The following TMEM9 variants were observed in gnomAD, a reference collection of about 807,000 sequenced individuals.
TMEM9 encodes transmembrane protein 9.
A neutral mutation model predicts 22.8 loss-of-function variants in TMEM9; 13 were observed. The ratio of observed to expected loss-of-function variants is 0.57; its 90% CI spans 0.37 to 0.91. The LOEUF is 0.91. Ranked by LOEUF, TMEM9 falls within the 40% of genes least tolerant of loss-of-function variation. The pLI is 0.01. For synonymous variants in TMEM9, 88 were observed against 93.0 expected, an observed-to-expected ratio of 0.95 and a Z score of 0.31; for missense variants, 182 against 238.1, an observed-to-expected ratio of 0.76 and a Z score of 1.55.
At chr1:201,153,581 A>ATC (rs1435252735) in intron 1 of TMEM9, among the ~76,000 whole-genome samples, 3 of 152,228 alleles carry the variant, frequency 2.0e-5, no homozygotes, top group Non-Finnish European at 2.9e-5. Context: ...GAGAACTTAG[A>ATC]TAACTTCTCC....
In TMEM9 at chr1:201,149,985, G is replaced by A. The variant is rs375996629; in HGVS notation, c.158+1776C>T. ...CTGATGTAAGGCTATTCATCAAGCA[G>A]CCCCTTAATTCTGACTTCTGAGGGG... On this transcript the variant is annotated intron_variant, in intron 2 of 4. Coordinates refer to ENST00000367330, the MANE Select transcript of TMEM9 (RefSeq NM_001288565.2). Among the ~76,000 whole-genome samples the A allele has an allele frequency of 7.0e-4, 107 of 152,322 alleles. 2 individuals are homozygous for A. The South Asian group carries it at 0.021, about 30-fold the overall frequency.
At chr1:201,153,684 T>C in intron 1 of TMEM9, 174 bp downstream of exon 1, 1 of 1,490,546 alleles carries the variant, frequency 6.7e-7, no homozygotes, top group South Asian at 1.2e-5. Context: ...ACCCGCACTA[T>C]CCTTAGGGAG....
intron 4 of TMEM9, 57 bp downstream of exon 4, chr1:201,143,763 T>C: frequency 6.3e-7 from 1 of 1,594,784 alleles, no homozygotes; most frequent in Non-Finnish European, 8.6e-7. Flanking sequence ...CCTCTGGGTT[T>C]TGCCCTGGGG....
At chr1:201,160,105 A>G (rs1189516077) in intron 1 of TMEM9, among the ~76,000 whole-genome samples, 1 of 152,214 alleles carries the variant, frequency 6.6e-6, no homozygotes, top group East Asian at 1.9e-4. Flanking sequence ...TTCAGCTCGC[A>G]GTAGTGAGTA....
intron 1 of TMEM9, among the ~76,000 whole-genome samples, chr1:201,164,028 C>T (rs1217595050): frequency 3.3e-5 from 5 of 152,088 alleles, no homozygotes; most frequent in East Asian, 1.9e-4. Context: ...ATGTCTGTAC[C>T]GTGAAATAGA....
At chr1:201,150,724 CAAAGG>C (rs1187699221) in intron 2 of TMEM9, among the ~76,000 whole-genome samples, 4 of 152,136 alleles carry the variant, frequency 2.6e-5, no homozygotes, top group African/African-American at 9.7e-5. Flanking sequence ...TCCTAAGCAC[CAAAGG>C]AAAGAAAGGT....
intron 4 of TMEM9, among the ~76,000 whole-genome samples, chr1:201,142,761 C>A (rs544275147): frequency 6.6e-6 from 1 of 152,364 alleles, no homozygotes; most frequent in East Asian, 1.9e-4. Flanking sequence ...GCCAACCCCG[C>A]CTGCCTTGGC....
intron 1 of TMEM9, among the ~76,000 whole-genome samples, chr1:201,153,600 T>C (rs1212133137): frequency 6.6e-6 from 1 of 152,242 alleles, no homozygotes; most frequent in Non-Finnish European, 1.5e-5. Flanking sequence ...CCAAACTTCC[T>C]TGCTGGAAGT....
In TMEM9 at chr1:201,154,247, G is replaced by A. The variant is rs1665673070; in HGVS notation, c.-324C>T. The A allele has an allele frequency of 1.2e-5, 3 of 250,468 alleles. No individual in the cohort carries two copies. Among genetic ancestry groups the A allele is most frequent in the Admixed American group, 1.0e-4 (2 of 19,618 alleles). The allele number at this position is 250,468 out of a possible 1,614,324, so 15.5% of individuals were successfully genotyped here. ...TCTGACCCGCGCATCACGTCCCACCGCCCTCCGCCATCTCCGCCTCTGCCC... is the reference window on the plus strand; with the variant it reads ...TCTGACCCGCGCATCACGTCCCACCACCCTCCGCCATCTCCGCCTCTGCCC... On this transcript the variant is annotated 5_prime_UTR_variant, in exon 1 of 5. Transcript: ENST00000367330.
chr1:201,135,820 AGTGG>A lies in TMEM9; in HGVS notation c.400-9_400-6del. The A allele has an allele frequency of 6.3e-7, 1 of 1,589,730 alleles. No individual in the cohort carries two copies. The highest frequency in any genetic ancestry group is 1.8e-5 in the Admixed American group (1 of 55,472). On this transcript the variant is annotated splice_polypyrimidine_tract_variant and splice_region_variant and intron_variant, in intron 4 of 4. Transcript: ENST00000367330. ...TGCTGCCATAGAGCGAGCATCCTGT[AGTGG>A]GAAGAAAAAAAGAGAAGATCTGGCA...
intron 1 of TMEM9, among the ~76,000 whole-genome samples, chr1:201,152,544 T>C (rs1174074600): frequency 2.0e-5 from 3 of 152,130 alleles, no homozygotes; most frequent in East Asian, 3.9e-4. Context: ...AGAATGGAAG[T>C]TATCTCAGGA....
chr1:201,141,023 G>C (rs1020066986), intron 4 of TMEM9, among the ~76,000 whole-genome samples: 1 of 152,172 alleles, frequency 6.6e-6, no homozygotes, highest in African/African-American at 2.4e-5. Flanking sequence ...CCAATGCCCT[G>C]TTCATCCTCC....
upstream of TMEM9, chr1:201,154,567 C>A (rs560818267): frequency 6.6e-5 from 10 of 152,428 alleles, no homozygotes; most frequent in Admixed American, 5.2e-4. Flanking sequence ...CCCGCCTTCA[C>A]CTGGGCGGGG....
chr1:201,153,049 T>C (rs1440236478), intron 1 of TMEM9, among the ~76,000 whole-genome samples: 1 of 152,250 alleles, frequency 6.6e-6, no homozygotes, highest in Non-Finnish European at 1.5e-5. Context: ...AAAAATACTG[T>C]GCACAGTAAC....
chr1:201,146,619 A>T, intron 3 of TMEM9, 121 bp downstream of exon 3: 1 of 1,076,134 alleles, frequency 9.3e-7, no homozygotes, highest in South Asian at 1.3e-5. Flanking sequence ...CCAGCCTAGA[A>T]GCCAGTCTCA....
chr1:201,166,172 T>C (rs1455471612), intron 1 of TMEM9, among the ~76,000 whole-genome samples: 2 of 152,172 alleles, frequency 1.3e-5, no homozygotes, highest in Non-Finnish European at 2.9e-5. Context: ...TGTCCGTTGC[T>C]TTCTTGCAAT....
At chr1:201,169,737 G>A (rs1666167964) in intron 1 of TMEM9, among the ~76,000 whole-genome samples, 2 of 152,142 alleles carry the variant, frequency 1.3e-5, no homozygotes, top group African/African-American at 4.8e-5. Context: ...TATTTCAGAG[G>A]GAGATTAAAT....
At chr1:201,143,570 C>T (rs535561897) in intron 4 of TMEM9, among the ~76,000 whole-genome samples, 1 of 152,368 alleles carries the variant, frequency 6.6e-6, no homozygotes, top group African/African-American at 2.4e-5. Flanking sequence ...CCTGGAAGCA[C>T]AGTACAGCAG....
chr1:201,166,477 C>T (rs1307274024), intron 1 of TMEM9, among the ~76,000 whole-genome samples: 12 of 151,980 alleles, frequency 7.9e-5, no homozygotes, highest in Admixed American at 7.9e-4. Context: ...ATTCTTGTGC[C>T]TCAGCCTCCC....
Sources: allele counts gnomAD v4.1 joint callset (sites outside exome capture counted in the v4.1 genomes callset), GRCh38; gene constraint gnomAD v4.1.1; transcripts MANE v1.5; gene names NCBI Gene and HGNC (gene_info 2026-07-23, HGNC 2026-07-21).